Variants in WNT5B observed in about 807,000 individuals in gnomAD.
WNT5B encodes Wnt family member 5B.
Under a neutral mutation model 36.5 loss-of-function variants are expected in WNT5B, and 18 were observed. The observed-to-expected ratio is 0.49, with a 90% CI of 0.34 to 0.73. The LOEUF (loss-of-function observed/expected upper bound fraction) is 0.73, where lower values mean the gene tolerates loss of function less well. Among genes scored for constraint, WNT5B ranks in the 30% least tolerant of loss-of-function variants. The probability of loss-of-function intolerance (pLI) is 0.01; values close to 1 mark genes in which losing one functional copy is unlikely to be tolerated. For synonymous variants in WNT5B, 213 were observed against 212.3 expected (o/e 1.00, Z -0.03); for missense variants, 424 against 508.4 (o/e 0.83, Z 1.60).
In WNT5B at chr12:1,630,555, T is replaced by G. The variant is rs997898323; in HGVS notation, c.-57-743T>G. Among the ~76,000 whole-genome samples, 2 of 151,846 alleles carry G rather than the reference T, an allele frequency of 1.3e-5. No individual in the cohort carries two copies. The highest frequency in any genetic ancestry group is 3.9e-4 in the East Asian group (2 of 5,138). ...TCGGCAGTGTCCCCGGTGCAGCTGC[T>G]GGGCAAGGTACTCGGTGCCGCCCTC... is the stretch of plus-strand genomic sequence containing the variant. On this transcript the variant is annotated intron_variant, in intron 1 of 4. Coordinates refer to ENST00000397196, the MANE Select transcript of WNT5B (RefSeq NM_032642.3). This position sits in a 1 kb window ranked among gnomAD's most constrained non-coding sequence, Gnocchi z 5.3.
intron 1 of WNT5B, among the ~76,000 whole-genome samples, chr12:1,622,712 C>A (rs2094535557): frequency 6.6e-6 from 1 of 152,206 alleles, no homozygotes; most frequent in African/African-American, 2.4e-5. Flanking sequence ...CTCCCACATA[C>A]CCCTGTGTAC....
upstream of WNT5B, among the ~76,000 whole-genome samples, chr12:1,624,442 A>C (rs527889774): frequency 1.7e-4 from 25 of 151,396 alleles, no homozygotes; most frequent in South Asian, 5.2e-3. Context: ...GACAGGGAGG[A>C]CCTGTATTTG....
At chr12:1,643,185 G>A (rs2094578599) in intron 4 of WNT5B, among the ~76,000 whole-genome samples, 1 of 152,066 alleles carries the variant, frequency 6.6e-6, no homozygotes, top group Non-Finnish European at 1.5e-5. Flanking sequence ...TTAGACGGTG[G>A]CGGCAACACC....
In WNT5B at chr12:1,645,806, A is replaced by G; in HGVS notation, c.634A>G (p.Met212Val). The G allele has an allele frequency of 6.3e-7, 1 of 1,586,818 alleles. No individual in the cohort carries two copies. The highest frequency in any genetic ancestry group is 8.6e-7 in the Non-Finnish European group (1 of 1,164,470). ...NEAGRRAVYK[M>V]ADVACKCHGV... ...TCTCTTCCCCTAGGCTGTGTATAAG[A>G]TGGCAGACGTAGCCTGCAAATGCCA... Residue 212 changes from methionine to valine, a missense_variant, in exon 5 of 5, where the codon ATG becomes GTG. Met to Val is a conservative substitution (Grantham distance 21, BLOSUM62 1). Transcript: ENST00000397196.
Position 1,646,435 on chromosome 12 carries a change from G to C in WNT5B, c.*183G>C. ...TGGAGATCTCTGAGGAGTGGACTTT[G>C]CTGGTTCTCTCCTCTTGGTGGGTGG... is the stretch of plus-strand genomic sequence containing the variant. On this transcript the variant is annotated 3_prime_UTR_variant, in exon 5 of 5. Transcript: ENST00000397196. 2.2e-6 allele frequency: 1 copy of C among 447,320 alleles called. No homozygotes were observed. The highest frequency in any genetic ancestry group is 3.5e-6 in the Non-Finnish European group (1 of 287,816). 27.7% of individuals were successfully genotyped at this position (447,320 alleles called of 1,614,324 possible).
At position 1,646,300 on chromosome 12, in the gene WNT5B, C is replaced by A; in HGVS notation, c.*48C>A. 1.4e-6 allele frequency: 2 copies of A among 1,448,282 alleles called. No individual in the cohort carries two copies. The highest frequency in any genetic ancestry group is 1.4e-5 in the South Asian group (1 of 72,994). 89.7% of individuals were successfully genotyped at this position (1,448,282 alleles called of 1,614,324 possible). A position where few individuals can be genotyped will look rare whatever the true frequency, so the allele number is the denominator to read the frequency against. ...CCCCTGCACTCTGCCTCACAAAGGT[C>A]TATATTATATAAATCTATATAAATC... On this transcript the variant is annotated 3_prime_UTR_variant, in exon 5 of 5. Coordinates refer to ENST00000397196, the MANE Select transcript of WNT5B (RefSeq NM_032642.3).
intron 1 of WNT5B, among the ~76,000 whole-genome samples, chr12:1,619,350 A>G (rs2094530845): frequency 6.6e-6 from 1 of 152,152 alleles, no homozygotes; most frequent in Non-Finnish European, 1.5e-5. Flanking sequence ...CCTCAGGGCT[A>G]GGAGGATTCA....
chr12:1,632,525 A>T lies in WNT5B; in HGVS notation c.81-133A>T. ...CCTTTGAAGGCCAGCACTCTGATTT[A>T]CTAATTTTTCTTTCCAGGGCCTTGT... On this transcript the variant is annotated intron_variant, in intron 2 of 4. Transcript: ENST00000397196. This position sits in a 1 kb window ranked among gnomAD's most constrained non-coding sequence, Gnocchi z 5.8. 1 of 1,314,426 alleles carries T rather than the reference A, an allele frequency of 7.6e-7. No homozygotes were observed. Among genetic ancestry groups the T allele is most frequent in the Non-Finnish European group, 1.0e-6 (1 of 965,594 alleles). 81.4% of individuals were successfully genotyped at this position (1,314,426 alleles called of 1,614,324 possible).
chr12:1,625,392 G>T (rs2094539665), upstream of WNT5B, among the ~76,000 whole-genome samples: 1 of 152,084 alleles, frequency 6.6e-6, no homozygotes, highest in Non-Finnish European at 1.5e-5. Context: ...TTTGTCTATT[G>T]TGCTGAGGTC....
intron 3 of WNT5B, among the ~76,000 whole-genome samples, chr12:1,635,189 G>A (rs1006759447): frequency 6.6e-6 from 1 of 152,174 alleles, no homozygotes; most frequent in African/African-American, 2.4e-5. Flanking sequence ...GCAGCGCACC[G>A]GAGGACAAAT....
At chr12:1,623,265 G>A (rs532043185) in intron 1 of WNT5B, among the ~76,000 whole-genome samples, 148 of 130,688 alleles carry the variant, frequency 1.1e-3, no homozygotes, top group Non-Finnish European at 1.6e-3. Context: ...GCACAGTCTC[G>A]GCTCACTACA....
rs761584456 is a variant in WNT5B at position 1,632,789 on chromosome 12, A to G, written c.212A>G (p.Tyr71Cys). The stretch of plus-strand genomic sequence containing the variant: ...CAATTGTACCAGGAGCACATGGCCT[A>G]CATAGGGGAGGGAGCCAAGACTGGC... ...LCQLYQEHMAYIGEGAKTGIK... is the reference protein window; with the variant it reads ...LCQLYQEHMACIGEGAKTGIK... Residue 71 changes from tyrosine (Y) to cysteine (C), a missense_variant, in exon 3 of 5, where the codon TAC becomes TGC. Transcript: ENST00000397196. The surrounding 1 kb of genome is among the most constrained non-coding windows in gnomAD (Gnocchi z 5.8). The G allele has an allele frequency of 1.9e-6, 3 of 1,614,110 alleles. No individual in the cohort carries two copies. Among genetic ancestry groups the G allele is most frequent in the Non-Finnish European group, 2.5e-6 (3 of 1,180,044 alleles).
Position 1,623,838 on chromosome 12 carries a change from T to C in WNT5B, c.-58+6695T>C, listed in dbSNP as rs188383592. ...AAAGTAAAACTAAGTACCAACTCTT[T>C]AAAACTATTATGTTTTAATTCCTCC... is the stretch of plus-strand genomic sequence containing the variant. On this transcript the variant is annotated intron_variant, in intron 1 of 4. Transcript: ENST00000310594. Among the ~76,000 whole-genome samples, 3 of 152,340 alleles carry C rather than the reference T, an allele frequency of 2.0e-5. No homozygotes were observed. The East Asian group carries it at 5.8e-4, about 29-fold the overall frequency.
chr12:1,638,487 C>T (rs2094566515), intron 3 of WNT5B, among the ~76,000 whole-genome samples: 1 of 152,176 alleles, frequency 6.6e-6, no homozygotes, highest in African/African-American at 2.4e-5. Flanking sequence ...CGTGTTCTCA[C>T]CAAGTTGTTA....
intron 3 of WNT5B, among the ~76,000 whole-genome samples, chr12:1,638,964 G>A (rs1275854838): frequency 6.6e-6 from 1 of 152,134 alleles, no homozygotes; most frequent in Non-Finnish European, 1.5e-5. Flanking sequence ...TCCTACTCTT[G>A]ATACCATGAT....
At chr12:1,631,113 A>C (rs1198142303) in intron 1 of WNT5B, 185 bp from the exon 2 acceptor site, 1 of 419,668 alleles carries the variant, frequency 2.4e-6, no homozygotes, top group African/African-American at 2.0e-5. Context: ...GTTTGGGGTA[A>C]GAGACAGAAG....
chr12:1,626,373 C>T (rs188920955), upstream of WNT5B, among the ~76,000 whole-genome samples: 595 of 151,954 alleles, frequency 3.9e-3, 5 homozygotes, highest in Non-Finnish European at 5.8e-3. Flanking sequence ...AAGCAATTCT[C>T]CTGCCTCAGC....
At position 1,632,989 on chromosome 12, in the gene WNT5B, A is replaced by G; in HGVS notation, c.328+84A>G. The G allele has an allele frequency of 6.6e-7, 1 of 1,521,788 alleles. No homozygotes were observed. Among genetic ancestry groups the G allele is most frequent in the East Asian group, 2.3e-5 (1 of 43,936 alleles). 94.3% of individuals were successfully genotyped at this position (1,521,788 alleles called of 1,614,324 possible). ...AATTAAGCTCTCTCAGGACTGGCAC[A>G]GGGAGAGCCCAAAGGCAGCCTAAGT... On this transcript the variant is annotated intron_variant, in intron 3 of 4. Coordinates refer to ENST00000397196, the MANE Select transcript of WNT5B (RefSeq NM_032642.3). The surrounding 1 kb of genome is among the most constrained non-coding windows in gnomAD (Gnocchi z 5.8).
intron 1 of WNT5B, chr12:1,617,170 T>G (rs2094528066): frequency 1.3e-5 from 2 of 152,278 alleles, no homozygotes; most frequent in African/African-American, 2.4e-5. Flanking sequence ...TTATCTAAAC[T>G]TAGTTTCTGG....
Sources: gnomAD v4.1 joint callset for allele counts (sites outside exome capture counted in the v4.1 genomes callset) on GRCh38, gnomAD v4.1.1 for gene constraint, Gnocchi (gnomAD v3.1) non-coding constraint, MANE v1.5 for transcripts, NCBI Gene and HGNC (gene_info 2026-07-23, HGNC 2026-07-21) for gene names.